The following PDE10A variants were observed in gnomAD, a reference collection of about 807,000 sequenced individuals.
The protein encoded by PDE10A is phosphodiesterase 10A, also known as cAMP and cAMP-inhibited cGMP 3',5'-cyclic phosphodiesterase 10A.
A neutral mutation model predicts 97.7 loss-of-function variants in PDE10A; 39 were observed. The observed-to-expected ratio is 0.40, with a 90% confidence interval of 0.31 to 0.52. The LOEUF (loss-of-function observed/expected upper bound fraction) is 0.52. Ranked by LOEUF, PDE10A falls within the 20% of genes least tolerant of loss-of-function variation. PDE10A has a pLI of 0.56. For missense variants in PDE10A, 731 were observed against 1,047.8 expected (o/e 0.70, Z 4.17); for synonymous variants, 371 against 376.8 (o/e 0.98, Z 0.18).
intron 18 of PDE10A, among the ~76,000 whole-genome samples, chr6:165,373,590 G>A (rs1425114118): frequency 6.6e-6 from 1 of 152,152 alleles, no homozygotes; most frequent in Non-Finnish European, 1.5e-5. Flanking sequence ...AACAGGTGCT[G>A]GAGAGGATAT....
intron 2 of PDE10A, among the ~76,000 whole-genome samples, chr6:165,527,355 G>T (rs879489257): frequency 1.3e-5 from 2 of 152,188 alleles, no homozygotes; most frequent in Admixed American, 6.5e-5. Flanking sequence ...TAACATGCAA[G>T]CTGCTCTGCC....
intron 1 of PDE10A, among the ~76,000 whole-genome samples, chr6:165,619,528 T>C (rs1316460393): frequency 1.8e-5 from 2 of 114,188 alleles, no homozygotes; most frequent in Non-Finnish European, 4.2e-5. Context: ...TGTAGTGTAG[T>C]GTAGTCTAAT....
rs556281593 is a variant in PDE10A at position 165,917,130 on chromosome 6, G to T, written c.-615+70399C>A. ...TTCCACGGTGGCAACAGGGAGCAGTGGTTGCCGGCTCCAGACTCACTCCCG... is the reference window on the plus strand; with the variant it reads ...TTCCACGGTGGCAACAGGGAGCAGTTGTTGCCGGCTCCAGACTCACTCCCG... On this transcript the variant is annotated intron_variant, in intron 1 of 19. Transcript: ENST00000366882. 9.2e-5 allele frequency among the ~76,000 whole-genome samples: 14 copies of T among 152,264 alleles called. No homozygotes were observed. In the South Asian group the frequency reaches 2.5e-3, roughly 27 times the overall value.
At chr6:165,789,295 G>A (rs1778583175) in intron 1 of PDE10A, among the ~76,000 whole-genome samples, 1 of 152,194 alleles carries the variant, frequency 6.6e-6, no homozygotes, top group Admixed American at 6.5e-5. Flanking sequence ...AGTCAGATTT[G>A]TACAAACATA....
At chr6:165,353,625 C>G (rs1375386958) in intron 18 of PDE10A, among the ~76,000 whole-genome samples, 1 of 152,080 alleles carries the variant, frequency 6.6e-6, no homozygotes, top group African/African-American at 2.4e-5. Context: ...GTGGAAAAAG[C>G]CAATTTGAAA....
chr6:165,730,815 G>A (rs1222232583), intron 1 of PDE10A, among the ~76,000 whole-genome samples: 2 of 150,746 alleles, frequency 1.3e-5, no homozygotes, highest in East Asian at 2.0e-4. Context: ...GGAGGCCGAG[G>A]TGGGTGGATC....
At chr6:165,887,270 T>C (rs1472340221) in intron 1 of PDE10A, among the ~76,000 whole-genome samples, 2 of 152,202 alleles carry the variant, frequency 1.3e-5, no homozygotes, top group African/African-American at 4.8e-5. Context: ...TGAATCTATC[T>C]GGACAATCTC....
At chr6:165,758,511 A>AAGAAGAAAGAAGAAAGAAGAAAGAAGAC (rs1554317293) in intron 1 of PDE10A, among the ~76,000 whole-genome samples, 1 of 32,832 alleles carries the variant, frequency 3.0e-5, no homozygotes, top group African/African-American at 5.9e-5. Flanking sequence ...AGAAAGAAGA[A>AAGAAGAAAGAAGAAAGAAGAAAGAAGAC]AGAAGAAGAA....
At position 165,431,486 on chromosome 6, in the gene PDE10A, G is replaced by T. The variant is rs750390076; in HGVS notation, c.1492-14C>A. 1 of 1,517,894 alleles carries T rather than the reference G, an allele frequency of 6.6e-7. No homozygotes were observed. Among genetic ancestry groups the T allele is most frequent in the Non-Finnish European group, 9.1e-7 (1 of 1,102,288 alleles). The allele number at this position is 1,517,894 out of a possible 1,614,324, so 94.0% of individuals were successfully genotyped here. ...TGCTGTTGCAACCTAAAAAAAACAA[G>T]AAATACATACCTATAAGTAATAATA... On this transcript the variant is annotated splice_polypyrimidine_tract_variant and intron_variant, in intron 7 of 21. Transcript: ENST00000539869.
chr6:165,392,763 C>T lies in PDE10A; in HGVS notation c.2337G>A (p.Met779Ile), dbSNP rs759012289. ...FELEKLCRFI[M>I]SVKKNYRRVP... ...CCCGCCGATAGTTCTTCTTCACAGA[C>T]ATAATAAAACGACACAACTTTTCAA... The change falls in exon 16 of 22, where the codon ATG becomes ATA. Residue 779 changes from methionine (M) to isoleucine (I), a missense_variant. By Grantham distance (10) the Met-to-Ile change is conservative. Coordinates refer to ENST00000539869, the MANE Select transcript of PDE10A (RefSeq NM_001385079.1). The T allele has an allele frequency of 6.2e-7, 1 of 1,613,740 alleles. No homozygotes were observed. Among genetic ancestry groups the T allele is most frequent in the South Asian group, 1.1e-5 (1 of 91,068 alleles).
intron 1 of PDE10A, among the ~76,000 whole-genome samples, chr6:165,952,286 T>C (rs1358957686): frequency 3.3e-5 from 5 of 152,224 alleles, no homozygotes; most frequent in Non-Finnish European, 7.3e-5. Context: ...CCAACTTTAA[T>C]AGAGCCCACA....
At chr6:165,436,470 A>C (rs1267076080) in intron 5 of PDE10A, among the ~76,000 whole-genome samples, 1 of 152,188 alleles carries the variant, frequency 6.6e-6, no homozygotes, top group Non-Finnish European at 1.5e-5. Context: ...ACAAGGAGGA[A>C]GGGAGAGAAA....
intron 1 of PDE10A, chr6:165,948,453 C>G (rs1385734862): frequency 6.6e-6 from 1 of 152,298 alleles, no homozygotes; most frequent in Non-Finnish European, 1.5e-5. Flanking sequence ...AGCAGAGGAG[C>G]TTGCACCTAC....
intron 17 of PDE10A, among the ~76,000 whole-genome samples, chr6:165,385,090 G>T (rs1329573400): frequency 2.0e-5 from 3 of 152,072 alleles, no homozygotes; most frequent in Non-Finnish European, 2.9e-5. Flanking sequence ...CTGGAAGTTG[G>T]AATTTTTAAC....
chr6:165,482,230 T>C, intron 3 of PDE10A, 85 bp downstream of exon 3: 1 of 917,718 alleles, frequency 1.1e-6, no homozygotes, highest in South Asian at 1.3e-5. Context: ...TTTCTGATAC[T>C]TTAATGTGTT....
chr6:165,522,345 G>A (rs1255357093), intron 2 of PDE10A, among the ~76,000 whole-genome samples: 3 of 151,948 alleles, frequency 2.0e-5, no homozygotes, highest in Non-Finnish European at 4.4e-5. Flanking sequence ...AAGACACAAT[G>A]CAAAAAGAAA....
At chr6:165,611,884 A>G (rs560264780) in intron 1 of PDE10A, among the ~76,000 whole-genome samples, 2 of 152,352 alleles carry the variant, frequency 1.3e-5, no homozygotes, top group East Asian at 3.9e-4. Flanking sequence ...TCAATTTGAA[A>G]AGTATACTGT....
intron 1 of PDE10A, among the ~76,000 whole-genome samples, chr6:165,611,055 A>T (rs2128401177): frequency 6.6e-6 from 1 of 151,898 alleles, no homozygotes; most frequent in South Asian, 2.1e-4. Flanking sequence ...TGTCTCTCTC[A>T]AAATAGTGTT....
chr6:165,445,708 T>G (rs2128246503), intron 5 of PDE10A, among the ~76,000 whole-genome samples: 1 of 152,324 alleles, frequency 6.6e-6, no homozygotes. Context: ...GCCATACTAC[T>G]TTATAGCCTG....
Sources: gnomAD v4.1 joint callset for allele counts (sites outside exome capture counted in the v4.1 genomes callset) on GRCh38, gnomAD v4.1.1 for gene constraint, MANE v1.5 for transcripts, NCBI Gene and HGNC (gene_info 2026-07-23, HGNC 2026-07-21) for gene names.